The following CSMD1 variants were observed in gnomAD, a reference collection of about 807,000 sequenced individuals.
CSMD1 encodes CUB and sushi domain-containing protein 1.
Under a neutral mutation model 417.5 loss-of-function variants are expected in CSMD1, and 213 were observed. The observed-to-expected ratio is 0.51, with a 90% confidence interval of 0.46 to 0.57. The LOEUF is 0.57. Among genes scored for constraint, CSMD1 ranks in the 20% least tolerant of loss-of-function variants. CSMD1 has a pLI of 0.00. For missense variants in CSMD1, 6,923 were observed against 4,529.7 expected, an observed-to-expected ratio of 1.53 and a Z score of -15.17; for synonymous variants, 2,862 against 1,736.8, an observed-to-expected ratio of 1.65 and a Z score of -16.11.
intron 3 of CSMD1, among the ~76,000 whole-genome samples, chr8:4,397,770 C>T (rs892803357): frequency 2.0e-5 from 3 of 151,914 alleles, no homozygotes; most frequent in African/African-American, 7.3e-5. Flanking sequence ...AAGGGAAAAA[C>T]CTTAATACTG....
intron 2 of CSMD1, among the ~76,000 whole-genome samples, chr8:4,544,371 T>A (rs1169038899): frequency 7.9e-5 from 12 of 152,122 alleles, no homozygotes; most frequent in Non-Finnish European, 1.5e-5. Context: ...TCAAAGTTTT[T>A]CTTTTAAAAA....
intron 3 of CSMD1, among the ~76,000 whole-genome samples, chr8:4,312,842 CG>C (rs1798708122): frequency 1.3e-5 from 2 of 151,968 alleles, no homozygotes; most frequent in Admixed American, 6.6e-5. Context: ...CCAGGCAAGG[CG>C]GTAAGAGTGA....
intron 3 of CSMD1, among the ~76,000 whole-genome samples, chr8:4,245,491 A>G (rs900137303): frequency 1.2e-4 from 18 of 152,128 alleles, no homozygotes; most frequent in African/African-American, 4.1e-4. Context: ...ACTCTTCATG[A>G]AGAGCCTAAG....
At chr8:4,432,166 T>C (rs182452088) in intron 2 of CSMD1, among the ~76,000 whole-genome samples, 20 of 152,322 alleles carry the variant, frequency 1.3e-4, no homozygotes, top group Admixed American at 3.3e-4. Context: ...AAAAACATGA[T>C]TGGCAATTAT....
intron 3 of CSMD1, among the ~76,000 whole-genome samples, chr8:4,092,488 ATTGTCT>A (rs1800772838): frequency 6.6e-6 from 1 of 152,148 alleles, no homozygotes; most frequent in Admixed American, 6.5e-5. Flanking sequence ...AATTAAGCAT[ATTGTCT>A]TTAAGTTTCA....
At chr8:4,430,920 C>A (rs1797837164) in intron 2 of CSMD1, among the ~76,000 whole-genome samples, 1 of 152,120 alleles carries the variant, frequency 6.6e-6, no homozygotes, top group Non-Finnish European at 1.5e-5. Flanking sequence ...CATAAATTAT[C>A]TTAACAGTGT....
chr8:3,274,138 C>G (rs960931598), intron 26 of CSMD1, among the ~76,000 whole-genome samples: 14 of 151,722 alleles, frequency 9.2e-5, no homozygotes, highest in Admixed American at 7.9e-4. Context: ...TCTTTGTTCT[C>G]GTTGGTTTCA....
chr8:3,162,829 A>G (rs1206774866), intron 37 of CSMD1, among the ~76,000 whole-genome samples: 1 of 152,204 alleles, frequency 6.6e-6, no homozygotes, highest in Non-Finnish European at 1.5e-5. Context: ...CAGAAACAAT[A>G]TTTACAGAAC....
chr8:3,776,566 G>C (rs907382384), intron 5 of CSMD1, among the ~76,000 whole-genome samples: 2 of 152,078 alleles, frequency 1.3e-5, no homozygotes, highest in African/African-American at 2.4e-5. Flanking sequence ...ATTCTCAAAG[G>C]TGACTCACCT....
chr8:4,510,390 TAAAAA>T (rs34791623), intron 2 of CSMD1, among the ~76,000 whole-genome samples: 9 of 54,640 alleles, frequency 1.6e-4, no homozygotes, highest in South Asian at 9.0e-4. Flanking sequence ...GCATAATGCC[TAAAAA>T]AAAAAAAAAA....
chr8:3,286,647 A>G (rs1803183198), intron 25 of CSMD1, among the ~76,000 whole-genome samples: 3 of 142,952 alleles, frequency 2.1e-5, no homozygotes, highest in Admixed American at 7.0e-5. Flanking sequence ...GTCTGTTCAT[A>G]TCCTTCACCC....
At chr8:4,691,724 A>G (rs1042117756) in intron 1 of CSMD1, among the ~76,000 whole-genome samples, 10 of 152,224 alleles carry the variant, frequency 6.6e-5, no homozygotes, top group Non-Finnish European at 1.2e-4. Flanking sequence ...CTGAAGGTCC[A>G]GGTACACTAC....
At chr8:3,912,530 G>A (rs1014155890) in intron 5 of CSMD1, among the ~76,000 whole-genome samples, 3 of 152,124 alleles carry the variant, frequency 2.0e-5, no homozygotes, top group African/African-American at 7.2e-5. Flanking sequence ...ATAACAGAGG[G>A]GGCTGGTTAA....
intron 8 of CSMD1, among the ~76,000 whole-genome samples, chr8:3,614,780 G>A (rs1350695822): frequency 1.3e-5 from 2 of 152,320 alleles, no homozygotes; most frequent in South Asian, 2.1e-4. Context: ...CACAGTTTTA[G>A]TCACTGAGGA....
At chr8:4,466,161 C>T (rs1159445891) in intron 2 of CSMD1, among the ~76,000 whole-genome samples, 1 of 152,122 alleles carries the variant, frequency 6.6e-6, no homozygotes, top group East Asian at 1.9e-4. Context: ...GAGAGTCTTA[C>T]TCCGTGGTCT....
At chr8:3,243,951 G>C (rs1482981194) in intron 26 of CSMD1, among the ~76,000 whole-genome samples, 2 of 152,096 alleles carry the variant, frequency 1.3e-5, no homozygotes, top group Non-Finnish European at 2.9e-5. Context: ...TGTTGACCGA[G>C]GTATTAGTTC....
intron 3 of CSMD1, among the ~76,000 whole-genome samples, chr8:4,375,783 C>G (rs868354629): frequency 1.3e-5 from 2 of 152,296 alleles, no homozygotes; most frequent in South Asian, 4.1e-4. Context: ...ATTTCCCCCT[C>G]TTCAAACCAT....
intron 3 of CSMD1, among the ~76,000 whole-genome samples, chr8:4,186,954 C>G (rs1798715112): frequency 6.6e-6 from 1 of 151,998 alleles, no homozygotes; most frequent in Admixed American, 6.6e-5. Flanking sequence ...TGCACTCTAG[C>G]CTGGGTGACA....
At chr8:3,823,271 G>A (rs552001821) in intron 5 of CSMD1, among the ~76,000 whole-genome samples, 6 of 152,216 alleles carry the variant, frequency 3.9e-5, no homozygotes, top group African/African-American at 1.4e-4. Context: ...ATTCAGTTTT[G>A]CCAGATAATG....
Sources: gnomAD v4.1 joint callset for allele counts (sites outside exome capture counted in the v4.1 genomes callset) on GRCh38, gnomAD v4.1.1 for gene constraint, MANE v1.5 for transcripts, NCBI Gene and HGNC (gene_info 2026-07-23, HGNC 2026-07-21) for gene names.